The following FLRT1 variants were observed in gnomAD, a reference collection of about 807,000 sequenced individuals.
The protein encoded by FLRT1 is leucine-rich repeat transmembrane protein FLRT1.
A neutral mutation model predicts 30.9 loss-of-function variants in FLRT1; 14 were observed. The observed-to-expected ratio is 0.45, with a 90% CI of 0.30 to 0.71. The LOEUF (loss-of-function observed/expected upper bound fraction) is 0.71. Among genes scored for constraint, FLRT1 ranks in the 30% least tolerant of loss-of-function variants. FLRT1 has a pLI of 0.08. For missense variants in FLRT1, 737 were observed against 949.2 expected, an observed-to-expected ratio of 0.78 and a Z score of 2.94; for synonymous variants, 368 against 430.4, an observed-to-expected ratio of 0.85 and a Z score of 1.80.
At chr11:64,094,281 A>T (rs1187328744) in intron 1 of FLRT1, among the ~76,000 whole-genome samples, 1 of 152,134 alleles carries the variant, frequency 6.6e-6, no homozygotes, top group African/African-American at 2.4e-5. Context: ...ATACAAAAAA[A>T]GTTAGCCGGG....
intron 1 of FLRT1, among the ~76,000 whole-genome samples, chr11:64,091,911 C>T (rs1944497688): frequency 6.6e-6 from 1 of 152,190 alleles, no homozygotes; most frequent in Admixed American, 6.5e-5. Flanking sequence ...TTCTCTGTGT[C>T]CCGAGGCCTC....
chr11:64,118,141 AC>A lies in FLRT1; in HGVS notation c.1877del (p.Pro626ArgfsTer44). ...RGPGLQMLPI[N>X]PYRAKEEYVV... ...CCTGGGCTGCAGATGCTGCCCATCA[AC>A]CCGTACCGCGCCAAAGAAGAGTACG... On this transcript the variant is annotated frameshift_variant, in exon 3 of 3. Coordinates refer to ENST00000682287, the MANE Select transcript of FLRT1 (RefSeq NM_013280.5). LOFTEE classifies it high-confidence loss of function. 1 of 1,613,782 alleles carries A rather than the reference AC, an allele frequency of 6.2e-7. No homozygotes were observed. Among genetic ancestry groups the A allele is most frequent in the Non-Finnish European group, 8.5e-7 (1 of 1,179,934 alleles).
intron 1 of FLRT1, among the ~76,000 whole-genome samples, chr11:64,039,722 C>T (rs1943449651): frequency 6.6e-6 from 1 of 152,184 alleles, no homozygotes; most frequent in Admixed American, 6.5e-5. Context: ...TACCATCGCT[C>T]GAGGCCCCCA....
At chr11:64,073,570 C>T (rs148442689) in intron 1 of FLRT1, among the ~76,000 whole-genome samples, 20 of 152,338 alleles carry the variant, frequency 1.3e-4, no homozygotes, top group African/African-American at 4.3e-4. Context: ...AGTTGCCTGC[C>T]GTGCTGAGGC....
At position 64,067,902 on chromosome 11, in the gene FLRT1, G is replaced by A. The variant is rs866835832; in HGVS notation, c.-1038+31743G>A. ...TGTCCATTTAGCCAGCGGTTCGCTC[G>A]GCTTTTAGGAGGGGGCTGGCGGTGA... On this transcript the variant is annotated intron_variant, in intron 1 of 2. Coordinates refer to ENST00000682287, the MANE Select transcript of FLRT1 (RefSeq NM_013280.5). The surrounding 1 kb of genome is among the most constrained non-coding windows in gnomAD (Gnocchi z 4.6). Among the ~76,000 whole-genome samples, 11 of 152,206 alleles carry A rather than the reference G, an allele frequency of 7.2e-5. No individual in the cohort carries two copies. The highest frequency in any genetic ancestry group is 1.9e-4 in the East Asian group (1 of 5,178).
chr11:64,047,622 C>T (rs1306490789), intron 1 of FLRT1, among the ~76,000 whole-genome samples: 2 of 152,116 alleles, frequency 1.3e-5, no homozygotes, highest in Admixed American at 1.3e-4. Context: ...GAAGGCCGGG[C>T]GCGGTGGCTT....
At chr11:64,100,846 C>T (rs1178663405) in intron 1 of FLRT1, among the ~76,000 whole-genome samples, 5 of 152,112 alleles carry the variant, frequency 3.3e-5, no homozygotes, top group Non-Finnish European at 7.4e-5. Flanking sequence ...GCTCTGCAGG[C>T]CCCAGGGAAG....
intron 2 of FLRT1, among the ~76,000 whole-genome samples, chr11:64,114,442 T>C (rs1031448598): frequency 6.7e-6 from 1 of 149,172 alleles, no homozygotes; most frequent in African/African-American, 2.5e-5. Context: ...AATGGATGGA[T>C]GGATGGATGA....
chr11:64,038,296 T>A (rs1257113788), intron 1 of FLRT1, among the ~76,000 whole-genome samples: 4 of 152,170 alleles, frequency 2.6e-5, no homozygotes, highest in African/African-American at 4.8e-5. Context: ...GCCTGCAGCC[T>A]CCCCTCTGGG....
chr11:64,065,993 G>A (rs1365101309), intron 1 of FLRT1, among the ~76,000 whole-genome samples: 1 of 152,032 alleles, frequency 6.6e-6, no homozygotes, highest in Non-Finnish European at 1.5e-5. Flanking sequence ...AGCTTGCCAA[G>A]TGGCTATAAA....
intron 1 of FLRT1, among the ~76,000 whole-genome samples, chr11:64,050,382 A>G (rs372813152): frequency 3.7e-4 from 56 of 152,316 alleles, no homozygotes; most frequent in Middle Eastern, 3.4e-3. Context: ...GCAGCTGGAC[A>G]CGTAGGGGTC....
At chr11:64,069,056 T>G (rs1048244810) in intron 1 of FLRT1, among the ~76,000 whole-genome samples, 18 of 138,340 alleles carry the variant, frequency 1.3e-4, no homozygotes, top group Admixed American at 1.4e-4. Flanking sequence ...CAGTGGCAGG[T>G]GGGGGTGGGG....
Position 64,073,798 on chromosome 11 carries a change from C to T in FLRT1, c.-1037-29396C>T, listed in dbSNP as rs555197794. Among the ~76,000 whole-genome samples the T allele has an allele frequency of 9.2e-5, 14 of 152,338 alleles. No individual in the cohort carries two copies. In the East Asian group the frequency reaches 2.5e-3, roughly 27 times the overall value. ...GCTTCCCACTGAGAAACCCAGCAGC[C>T]GCATCCAGCCCTGTGTTGGGGAGGG... On this transcript the variant is annotated intron_variant, in intron 1 of 2. Transcript: ENST00000682287.
chr11:64,094,651 G>C (rs2701543), intron 1 of FLRT1, among the ~76,000 whole-genome samples: 1 of 152,028 alleles, frequency 6.6e-6, no homozygotes, highest in African/African-American at 2.4e-5. Flanking sequence ...CGGAGGCTCA[G>C]TGTGTGGCTG....
intron 2 of FLRT1, among the ~76,000 whole-genome samples, chr11:64,113,435 T>A (rs955788685): frequency 6.7e-6 from 1 of 149,556 alleles, no homozygotes; most frequent in African/African-American, 2.5e-5. Context: ...GATGGATGGA[T>A]GGATGGATGG....
At chr11:64,053,891 G>T (rs1199383351) in intron 1 of FLRT1, among the ~76,000 whole-genome samples, 1 of 152,112 alleles carries the variant, frequency 6.6e-6, no homozygotes, top group East Asian at 1.9e-4. Flanking sequence ...CGCATACCCG[G>T]TTGCTTCCGT....
chr11:64,048,149 C>T (rs1035899569), intron 1 of FLRT1, among the ~76,000 whole-genome samples: 10 of 152,212 alleles, frequency 6.6e-5, no homozygotes, highest in African/African-American at 1.2e-4. Context: ...CCTGCCCCCA[C>T]GACAGCTGCC....
chr11:64,037,521 G>A (rs944495176), intron 1 of FLRT1, among the ~76,000 whole-genome samples: 9 of 152,202 alleles, frequency 5.9e-5, no homozygotes, highest in African/African-American at 2.2e-4. Context: ...TGAGCTGACA[G>A]GGCCCGTGCC....
In FLRT1 at chr11:64,082,613, C is replaced by A. The variant is rs1944324142; in HGVS notation, c.-1037-20581C>A. ...AGGGGTCCCTGGGCTGAAGACGGAA[C>A]CTCTGAGTGCAGGCACCAGGTGGGA... On this transcript the variant is annotated intron_variant, in intron 1 of 2. Transcript: ENST00000682287. This position sits in a 1 kb window ranked among gnomAD's most constrained non-coding sequence, Gnocchi z 4.5. Among the ~76,000 whole-genome samples the A allele has an allele frequency of 1.3e-5, 2 of 152,062 alleles. No individual in the cohort carries two copies. The highest frequency in any genetic ancestry group is 4.8e-5 in the African/African-American group (2 of 41,398).
Sources: allele counts gnomAD v4.1 joint callset (sites outside exome capture counted in the v4.1 genomes callset), GRCh38; gene constraint gnomAD v4.1.1; non-coding constraint Gnocchi (gnomAD v3.1); transcripts MANE v1.5; gene names NCBI Gene and HGNC (gene_info 2026-07-23, HGNC 2026-07-21).